CRACDL: variants seen among roughly 807,000 people sequenced by gnomAD.
CRACDL encodes the protein CRACD-like protein.
Under a neutral mutation model 70.6 loss-of-function variants are expected in CRACDL, and 26 were observed. The observed-to-expected ratio is 0.37, with a 90% confidence interval of 0.27 to 0.51. The LOEUF (loss-of-function observed/expected upper bound fraction) is 0.51, where lower values mean the gene tolerates loss of function less well. CRACDL is among the 20% of genes least tolerant of loss of function. CRACDL has a pLI of 0.94. For synonymous variants in CRACDL, 618 were observed against 615.2 expected (o/e 1.00, Z -0.07); for missense variants, 1,283 against 1,376.9 (o/e 0.93, Z 1.08).
chr2:98,925,373 AG>A (rs1558642596), intron 1 of CRACDL, among the ~76,000 whole-genome samples: 1 of 152,210 alleles, frequency 6.6e-6, no homozygotes. Context: ...GGCTTGAGAC[AG>A]GTTAAAAACA....
chr2:98,908,569 A>AC (rs1421010591), intron 1 of CRACDL: 4 of 152,192 alleles, frequency 2.6e-5, no homozygotes, highest in Non-Finnish European at 4.4e-5. Context: ...CCAAACAAAA[A>AC]CCCAAAGCCA....
At chr2:98,923,938 G>C (rs902350550) in intron 1 of CRACDL, among the ~76,000 whole-genome samples, 1 of 152,228 alleles carries the variant, frequency 6.6e-6, no homozygotes, top group Non-Finnish European at 1.5e-5. Context: ...GAGGGAATTT[G>C]ATGGGAATTC....
chr2:98,919,049 T>C (rs1025867777), intron 1 of CRACDL, among the ~76,000 whole-genome samples: 4 of 152,174 alleles, frequency 2.6e-5, no homozygotes, highest in Non-Finnish European at 5.9e-5. Context: ...TCTTCTAGTG[T>C]TTTTACAGTT....
At chr2:98,795,969 A>C (rs1703799951) in intron 9 of CRACDL, 151 bp downstream of exon 9, 3 of 737,722 alleles carry the variant, frequency 4.1e-6, no homozygotes, top group African/African-American at 3.5e-5. Context: ...GATGAGTTTT[A>C]TGACACGTAA....
At chr2:98,926,451 C>T (rs1708911888) in intron 1 of CRACDL, among the ~76,000 whole-genome samples, 1 of 152,208 alleles carries the variant, frequency 6.6e-6, no homozygotes, top group Non-Finnish European at 1.5e-5. Context: ...CCATTTTGAA[C>T]AGTCCATCTC....
chr2:98,860,047 T>C (rs1706876811), intron 1 of CRACDL, among the ~76,000 whole-genome samples: 1 of 152,028 alleles, frequency 6.6e-6, no homozygotes, highest in Non-Finnish European at 1.5e-5. Flanking sequence ...AACAAACAAC[T>C]GCATTTAAAA....
intron 3 of CRACDL, among the ~76,000 whole-genome samples, chr2:98,834,441 C>G (rs1457022589): frequency 2.0e-5 from 3 of 152,158 alleles, no homozygotes; most frequent in African/African-American, 7.2e-5. Context: ...CCAGATACTA[C>G]TAAGTGCAAT....
intron 1 of CRACDL, among the ~76,000 whole-genome samples, chr2:98,913,949 C>A (rs1207507233): frequency 6.6e-6 from 1 of 152,230 alleles, no homozygotes; most frequent in African/African-American, 2.4e-5. Flanking sequence ...ACGCTTTATG[C>A]GCAGCCCTAG....
chr2:98,881,723 A>G (rs988690418), intron 1 of CRACDL, among the ~76,000 whole-genome samples: 1 of 152,212 alleles, frequency 6.6e-6, no homozygotes. Flanking sequence ...TGCACCATCC[A>G]GGCGATGGAA....
chr2:98,822,218 C>T lies in CRACDL; in HGVS notation c.2055G>A (p.Lys685=), dbSNP rs1018734773. ...PSEDRNPFPV[K]LRSTSLSLKY... is the part of the protein sequence containing the mutation. ...TGAGCGAGAGGGAGGTGGACCGGAG[C>T]TTGACGGGGAAGGGGTTTCTGTCCT... Residue 685 remains lysine, a synonymous_variant, in exon 7 of 10, where the codon AAG becomes AAA. Transcript: ENST00000397899. This position sits in a 1 kb window ranked among gnomAD's most constrained non-coding sequence, Gnocchi z 4.9. 6.2e-7 allele frequency: 1 copy of T among 1,608,162 alleles called. No individual in the cohort carries two copies.
chr2:98,921,892 C>T (rs1708811750), intron 1 of CRACDL, among the ~76,000 whole-genome samples: 1 of 152,132 alleles, frequency 6.6e-6, no homozygotes, highest in Non-Finnish European at 1.5e-5. Context: ...AGTCCCACTC[C>T]CACCCAGGGC....
At chr2:98,819,463 G>A (rs148885610) in intron 7 of CRACDL, among the ~76,000 whole-genome samples, 5,305 of 152,306 alleles carry the variant, frequency 0.035, 100 homozygotes, top group Middle Eastern at 0.068. Context: ...TCTGCAGAGT[G>A]GATCGTCAGT....
intron 6 of CRACDL, 115 bp downstream of exon 6, chr2:98,826,860 G>C (rs1303543735): frequency 1.5e-6 from 1 of 673,830 alleles, no homozygotes; most frequent in Non-Finnish European, 2.6e-6. Flanking sequence ...CAACTGTGGG[G>C]TGCTCAGAGG....
chr2:98,838,027 G>T, intron 3 of CRACDL, 92 bp downstream of exon 3: 1 of 1,144,554 alleles, frequency 8.7e-7, no homozygotes, highest in Non-Finnish European at 1.2e-6. Flanking sequence ...TTACCCAGGA[G>T]GAAAGGGGGC....
chr2:98,833,056 G>T, intron 3 of CRACDL, 59 bp from the exon 4 acceptor site: 1 of 1,506,914 alleles, frequency 6.6e-7, no homozygotes, highest in South Asian at 1.2e-5. Flanking sequence ...ACCCCTGGGG[G>T]GCTCAGAATG....
At chr2:98,875,597 G>A (rs1707468873) in intron 1 of CRACDL, among the ~76,000 whole-genome samples, 1 of 152,248 alleles carries the variant, frequency 6.6e-6, no homozygotes, top group Admixed American at 6.5e-5. Flanking sequence ...CATTCTATCA[G>A]CTGGTGGTCT....
rs114508412 is a variant in CRACDL, at chr2:98,929,344, C to G, written c.-11+6594G>C. On this transcript the variant is annotated intron_variant, in intron 1 of 9. Transcript: ENST00000397899. ...CCTTGGACCTGGTGTGGCCCCTGTG[C>G]CCACCGCACCTACTCCCTTACCTGT... 9.9e-3 allele frequency among the ~76,000 whole-genome samples: 1,503 copies of G among 152,268 alleles called. 21 individuals are homozygous for G. The highest frequency in any genetic ancestry group is 0.035 in the African/African-American group (1,441 of 41,538).
At chr2:98,892,262 A>G (rs1025961744) in intron 1 of CRACDL, among the ~76,000 whole-genome samples, 1 of 152,230 alleles carries the variant, frequency 6.6e-6, no homozygotes, top group African/African-American at 2.4e-5. Flanking sequence ...TCAGGTTTGT[A>G]TTAAAAAATT....
intron 1 of CRACDL, among the ~76,000 whole-genome samples, chr2:98,849,722 C>T (rs780373572): frequency 2.4e-4 from 37 of 151,870 alleles, no homozygotes; most frequent in Non-Finnish European, 4.1e-4. Context: ...GGTTGCCCAC[C>T]GACAAAGGGA....
Sources: allele counts gnomAD v4.1 joint callset (sites outside exome capture counted in the v4.1 genomes callset), GRCh38; gene constraint gnomAD v4.1.1; non-coding constraint Gnocchi (gnomAD v3.1); transcripts MANE v1.5; gene names NCBI Gene and HGNC (gene_info 2026-07-23, HGNC 2026-07-21).